Variants in RASAL1 observed in about 807,000 individuals in gnomAD.
The protein encoded by RASAL1 is rasGAP-activating-like protein 1.
In RASAL1, 72 loss-of-function variants were observed where a neutral mutation model predicts 96.6. The observed-to-expected ratio is 0.75, with a 90% CI of 0.62 to 0.91. The LOEUF (loss-of-function observed/expected upper bound fraction) is 0.91. RASAL1 is among the 40% of genes least tolerant of loss of function. RASAL1 has a pLI of 0.00. For synonymous variants in RASAL1, 405 were observed against 430.4 expected (o/e 0.94, Z 0.73); for missense variants, 1,016 against 1,072.5 (o/e 0.95, Z 0.74).
At position 113,104,242 on chromosome 12, in the gene RASAL1, GC is replaced by G; in HGVS notation, c.1886del (p.Gly629AlafsTer8). 6.2e-7 allele frequency: 1 copy of G among 1,600,844 alleles called. No individual in the cohort carries two copies. ...HIRAVERVDEGAFQLPHVMQV... is the reference protein window; with the variant it reads ...HIRAVERVDEXAFQLPHVMQV... ...GCATCACGTGGGGCAGTTGGAAGGC[GC>G]CCTCGTCTACGCGCTCCACGGCGCG... On this transcript the variant is annotated frameshift_variant, in exon 17 of 21. Coordinates refer to ENST00000548055, the MANE Select transcript of RASAL1 (RefSeq NM_001301202.2). LOFTEE classifies it high-confidence loss of function.
At chr12:113,131,029 G>A (rs1044515697) in intron 1 of RASAL1, 88 bp from the exon 2 acceptor site, 14 of 992,238 alleles carry the variant, frequency 1.4e-5, no homozygotes, top group Middle Eastern at 2.1e-4. Flanking sequence ...CAGGGGAGTC[G>A]GAGGCACAGA....
intron 8 of RASAL1, among the ~76,000 whole-genome samples, chr12:113,116,287 T>C (rs1380537292): frequency 6.6e-6 from 1 of 151,914 alleles, no homozygotes; most frequent in Non-Finnish European, 1.5e-5. Flanking sequence ...GGAGAATTGC[T>C]TGAACCTGGC....
intron 14 of RASAL1, 128 bp downstream of exon 14, chr12:113,107,957 G>T: frequency 1.9e-6 from 2 of 1,046,738 alleles, no homozygotes; most frequent in Non-Finnish European, 2.7e-6. Flanking sequence ...GCTAACGGTG[G>T]TGTTTCAGAC....
rs1951613462 is a variant in RASAL1, at chr12:113,129,225, G to T, written c.123-1047C>A. On this transcript the variant is annotated intron_variant, in intron 2 of 20. Transcript: ENST00000548055. This position sits in a 1 kb window ranked among gnomAD's most constrained non-coding sequence, Gnocchi z 5.0. ...AATCGCCCCTGGTTGGGTCGTGGGGGTAGGGTCGGAGGGGATTAGGGAAGG... is the reference window on the plus strand; with the variant it reads ...AATCGCCCCTGGTTGGGTCGTGGGGTTAGGGTCGGAGGGGATTAGGGAAGG... Among the ~76,000 whole-genome samples the T allele has an allele frequency of 6.6e-6, 1 of 152,230 alleles. No individual in the cohort carries two copies. Among genetic ancestry groups the T allele is most frequent in the African/African-American group, 2.4e-5 (1 of 41,456 alleles).
rs777473977 is a variant in RASAL1, at chr12:113,101,930, C to G, written c.2184G>C (p.Gln728His). 2.5e-6 allele frequency: 4 copies of G among 1,614,164 alleles called. No individual in the cohort carries two copies. The highest frequency in any genetic ancestry group is 3.4e-6 in the Non-Finnish European group (4 of 1,180,032). Reference protein sequence around the residue: ...SDPLDPDAEAQTVYRQLLLGR... With the variant: ...SDPLDPDAEAHTVYRQLLLGR... ...CCAGGAGCAGCTGCCGATACACTGTCTGGGCCTCAGCATCAGGATCCAGTG... is the reference window on the plus strand; with the variant it reads ...CCAGGAGCAGCTGCCGATACACTGTGTGGGCCTCAGCATCAGGATCCAGTG... Residue 728 changes from glutamine (Q) to histidine (H), a missense_variant, in exon 19 of 21, where the codon CAG becomes CAC. Physicochemically the swap from Gln to His is conservative, Grantham distance 24. Transcript: ENST00000548055.
In RASAL1 at chr12:113,099,960, C is replaced by T. The variant is rs201422502; in HGVS notation, c.2387G>A (p.Gly796Glu). Residue 796 changes from glycine (G) to glutamate (E), a missense_variant, in exon 21 of 21, where the codon GGG (glycine) becomes GAG (glutamate). Transcript: ENST00000548055. ...AHEEFQQQER[G>E]KAALGPLGP ...GCCAAGGGGGCCCAGGGCCGCCTTC[C>T]CTCGCTCCTGCTGCTGGAACTCCTC... 16 of 1,613,170 alleles carry T rather than the reference C, an allele frequency of 9.9e-6. No homozygotes were observed. Among genetic ancestry groups the T allele is most frequent in the Non-Finnish European group, 1.3e-5 (15 of 1,179,472 alleles).
intron 1 of RASAL1, among the ~76,000 whole-genome samples, chr12:113,133,552 G>A (rs1261207770): frequency 6.6e-6 from 1 of 152,154 alleles, no homozygotes; most frequent in Admixed American, 6.5e-5. Context: ...AAAATTACCT[G>A]AAGAGGCCTC....
At chr12:113,114,294 A>T (rs748881250) in intron 12 of RASAL1, among the ~76,000 whole-genome samples, 18 of 152,100 alleles carry the variant, frequency 1.2e-4, no homozygotes, top group Non-Finnish European at 2.4e-4. Context: ...GCAATGTGGC[A>T]AAACCCTGTC....
intron 13 of RASAL1, among the ~76,000 whole-genome samples, chr12:113,110,377 C>T (rs1216566117): frequency 6.6e-6 from 1 of 152,164 alleles, no homozygotes; most frequent in Non-Finnish European, 1.5e-5. Context: ...TACGACATTG[C>T]CAAAATGTAA....
At chr12:113,124,217 CAAAAAAAAAA>C (rs35190885) in intron 4 of RASAL1, among the ~76,000 whole-genome samples, 1 of 98,378 alleles carries the variant, frequency 1.0e-5, no homozygotes, top group African/African-American at 3.9e-5. Flanking sequence ...GACTCTGTCT[CAAAAAAAAAA>C]AAAAAAAAAA....
Position 113,101,935 on chromosome 12 carries a change from C to G in RASAL1, c.2179G>C (p.Ala727Pro). ...AGCAGCTGCCGATACACTGTCTGGG[C>G]CTCAGCATCAGGATCCAGTGGGTCA... ...WSDPLDPDAE[A>P]QTVYRQLLLG... Residue 727 changes from alanine to proline, a missense_variant, in exon 19 of 21, where the codon GCC becomes CCC. By Grantham distance (27) the Ala-to-Pro change is conservative. Transcript: ENST00000548055. The G allele has an allele frequency of 3.7e-6, 6 of 1,614,156 alleles. No homozygotes were observed. The highest frequency in any genetic ancestry group is 5.1e-6 in the Non-Finnish European group (6 of 1,180,028).
chr12:113,108,311 T>C, intron 13 of RASAL1, 89 bp from the exon 14 acceptor site: 1 of 1,451,154 alleles, frequency 6.9e-7, no homozygotes, highest in Non-Finnish European at 9.2e-7. Flanking sequence ...AAATTCGTGG[T>C]GCAAAGAGAA....
chr12:113,130,896 C>T lies in RASAL1; in HGVS notation c.111G>A (p.Glu37=), dbSNP rs775629834. 1 of 1,613,614 alleles carries T rather than the reference C, an allele frequency of 6.2e-7. No homozygotes were observed. Among genetic ancestry groups the T allele is most frequent in the South Asian group, 1.1e-5 (1 of 91,020 alleles). The change falls in exon 2 of 21, where the codon GAG becomes GAA. Residue 37 remains glutamate, a synonymous_variant. Transcript: ENST00000548055. This position sits in a 1 kb window ranked among gnomAD's most constrained non-coding sequence, Gnocchi z 5.1. ...DPYCLVKVDD[E]VVARTATVWR... is the part of the protein sequence containing the mutation. ...TCGCCACCCCTCACCTGGCCACCAC[C>T]TCGTCGTCCACTTTCACTAGGCAGT... is the stretch of plus-strand genomic sequence containing the variant.
chr12:113,108,126 C>G lies in RASAL1; in HGVS notation c.1471G>C (p.Ala491Pro). 6.2e-7 allele frequency: 1 copy of G among 1,613,720 alleles called. No homozygotes were observed. The highest frequency in any genetic ancestry group is 8.5e-7 in the Non-Finnish European group (1 of 1,179,862). Reference protein sequence around the residue: ...PKLFDLRDQHADPQTSRSLLL... With the variant: ...PKLFDLRDQHPDPQTSRSLLL... ...AGTGAGCGGCTAGTCTGGGGGTCCG[C>G]GTGTTGGTCCCGAAGGTCAAACAGC... The change falls in exon 14 of 21, where the codon GCG becomes CCG. Residue 491 changes from alanine (A) to proline (P), a missense_variant. Physicochemically the swap from Ala to Pro is conservative, Grantham distance 27. Transcript: ENST00000548055.
At chr12:113,131,011 G>A in intron 1 of RASAL1, 70 bp from the exon 2 acceptor site, 1 of 1,219,242 alleles carries the variant, frequency 8.2e-7, no homozygotes, top group Non-Finnish European at 1.2e-6. Context: ...TCCCAGTCAT[G>A]ACACAGGCAG....
rs2136257229 is a variant in RASAL1 at position 113,130,094 on chromosome 12, A to C, written c.122+791T>G. On this transcript the variant is annotated intron_variant, in intron 2 of 20. Transcript: ENST00000548055. The surrounding 1 kb of genome is among the most constrained non-coding windows in gnomAD (Gnocchi z 5.1). ...AGCCCATCTGGACCAGAATAGGAGC[A>C]TCCTGAATCCTGCCGTCTCCATAGG... 6.6e-6 allele frequency among the ~76,000 whole-genome samples: 1 copy of C among 151,876 alleles called. No homozygotes were observed. The highest frequency in any genetic ancestry group is 2.4e-5 in the African/African-American group (1 of 41,430).
chr12:113,109,909 C>A lies in RASAL1; in HGVS notation c.1375-1687G>T, dbSNP rs577286702. Among the ~76,000 whole-genome samples the A allele has an allele frequency of 2.2e-4, 34 of 152,352 alleles. No homozygotes were observed. In the South Asian group the frequency reaches 5.4e-3, roughly 24 times the overall value. On this transcript the variant is annotated intron_variant, in intron 13 of 20. Transcript: ENST00000548055. ...TTCCTCCTTTTTGAAGGCAAAGAACCGGTGTCAGTGCAGCAGAGAAAGGGG... is the reference window on the plus strand; with the variant it reads ...TTCCTCCTTTTTGAAGGCAAAGAACAGGTGTCAGTGCAGCAGAGAAAGGGG...
intron 4 of RASAL1, among the ~76,000 whole-genome samples, chr12:113,122,981 C>T (rs917816029): frequency 1.3e-5 from 2 of 152,086 alleles, no homozygotes; most frequent in African/African-American, 2.4e-5. Flanking sequence ...TTCTCTAGAC[C>T]TTTCTTCCAG....
Position 113,099,961 on chromosome 12 carries a change from C to G in RASAL1, c.2386G>C (p.Gly796Arg). ...AHEEFQQQER[G>R]KAALGPLGP is the part of the protein sequence containing the mutation. ...CCAAGGGGGCCCAGGGCCGCCTTCCCTCGCTCCTGCTGCTGGAACTCCTCG... is the reference window on the plus strand; with the variant it reads ...CCAAGGGGGCCCAGGGCCGCCTTCCGTCGCTCCTGCTGCTGGAACTCCTCG... Residue 796 changes from glycine to arginine, a missense_variant, in exon 21 of 21, where the codon GGG (glycine) becomes CGG (arginine). By Grantham distance (125) the Gly-to-Arg change is moderately radical (BLOSUM62 -2). Transcript: ENST00000548055. 6.2e-7 allele frequency: 1 copy of G among 1,613,208 alleles called. No homozygotes were observed. The highest frequency in any genetic ancestry group is 8.5e-7 in the Non-Finnish European group (1 of 1,179,460).
Sources: allele counts gnomAD v4.1 joint callset (sites outside exome capture counted in the v4.1 genomes callset), GRCh38; gene constraint gnomAD v4.1.1; non-coding constraint Gnocchi (gnomAD v3.1); transcripts MANE v1.5; gene names NCBI Gene and HGNC (gene_info 2026-07-23, HGNC 2026-07-21).